Variants in SGMS1 observed in about 807,000 individuals in gnomAD.
SGMS1 encodes the protein phosphatidylcholine:ceramide cholinephosphotransferase 1.
SGMS1 carries 13 observed loss-of-function variants against 46.2 expected under a neutral mutation model. That is an observed-to-expected ratio of 0.28 (90% CI 0.18 to 0.45). The LOEUF (loss-of-function observed/expected upper bound fraction) is 0.45. Ranked by LOEUF, SGMS1 falls within the 20% of genes least tolerant of loss-of-function variation. The pLI, the probability that SGMS1 is intolerant of heterozygous loss-of-function variation, is 1.00. For missense variants in SGMS1, 324 were observed against 519.9 expected (o/e 0.62, Z 3.66); for synonymous variants, 203 against 187.8 (o/e 1.08, Z -0.66).
At chr10:50,348,158 A>G (rs1454436748) in intron 6 of SGMS1, among the ~76,000 whole-genome samples, 1 of 152,148 alleles carries the variant, frequency 6.6e-6, no homozygotes, top group Admixed American at 6.6e-5. Flanking sequence ...GATGGGTTCC[A>G]GCTTCACCCA....
At position 50,494,413 on chromosome 10, in the gene SGMS1, C is replaced by T. The variant is rs138524795; in HGVS notation, c.-498+25418G>A. ...TCAGTGGTAGACTGGATAAAGGAAA[C>T]GTGATACATACAACGTTGTATACTA... is the stretch of plus-strand genomic sequence containing the variant. On this transcript the variant is annotated intron_variant, in intron 3 of 10. Transcript: ENST00000361781. 3.0e-3 allele frequency among the ~76,000 whole-genome samples: 463 copies of T among 152,224 alleles called. 2 individuals are homozygous for T. Among genetic ancestry groups the T allele is most frequent in the African/African-American group, 0.011 (442 of 41,546 alleles).
At chr10:50,345,505 A>AT (rs1847900991) in intron 6 of SGMS1, among the ~76,000 whole-genome samples, 2 of 152,300 alleles carry the variant, frequency 1.3e-5, no homozygotes, top group Non-Finnish European at 1.5e-5. Flanking sequence ...TGTAGGGAAG[A>AT]TTTTAAAGTA....
intron 5 of SGMS1, among the ~76,000 whole-genome samples, chr10:50,455,429 C>T (rs1169916690): frequency 6.6e-6 from 1 of 152,204 alleles, no homozygotes; most frequent in African/African-American, 2.4e-5. Flanking sequence ...GGTCTTCATA[C>T]ATTGATACCC....
intron 3 of SGMS1, among the ~76,000 whole-genome samples, chr10:50,493,803 A>G (rs1837587082): frequency 6.6e-6 from 1 of 151,976 alleles, no homozygotes; most frequent in East Asian, 1.9e-4. Context: ...ATTATTTTCC[A>G]TTTTGTTTTT....
chr10:50,602,350 G>C (rs746671213), intron 1 of SGMS1, among the ~76,000 whole-genome samples: 2 of 152,228 alleles, frequency 1.3e-5, no homozygotes, highest in African/African-American at 2.4e-5. Flanking sequence ...GAATTCACCT[G>C]TCCTACCTTA....
chr10:50,400,118 A>G (rs919725702), intron 6 of SGMS1, among the ~76,000 whole-genome samples: 1 of 151,714 alleles, frequency 6.6e-6, no homozygotes, highest in African/African-American at 2.4e-5. Context: ...TGGGTTTTAC[A>G]TGGTTGTTCA....
intron 2 of SGMS1, among the ~76,000 whole-genome samples, chr10:50,579,498 AAAGT>A (rs1215889481): frequency 6.6e-6 from 1 of 152,168 alleles, no homozygotes; most frequent in Non-Finnish European, 1.5e-5. Flanking sequence ...CCGAGAGAAA[AAAGT>A]AAGAAAAATG....
intron 2 of SGMS1, among the ~76,000 whole-genome samples, chr10:50,520,562 A>G (rs530149861): frequency 5.3e-5 from 8 of 152,200 alleles, no homozygotes; most frequent in Non-Finnish European, 1.0e-4. Flanking sequence ...CTTTCCCCCA[A>G]TCACTCAGCC....
chr10:50,454,521 A>G (rs1313898829), intron 5 of SGMS1, among the ~76,000 whole-genome samples: 1 of 152,182 alleles, frequency 6.6e-6, no homozygotes, highest in African/African-American at 2.4e-5. Context: ...AGGCTTAGTG[A>G]TCCATTCAAC....
At chr10:50,454,912 AAT>A (rs1220173898) in intron 5 of SGMS1, among the ~76,000 whole-genome samples, 1 of 152,206 alleles carries the variant, frequency 6.6e-6, no homozygotes, top group Non-Finnish European at 1.5e-5. Context: ...CTTGATCTAA[AAT>A]AGTCTTTCCT....
At chr10:50,439,076 G>C (rs1033920622) in intron 5 of SGMS1, among the ~76,000 whole-genome samples, 1 of 152,152 alleles carries the variant, frequency 6.6e-6, no homozygotes, top group African/African-American at 2.4e-5. Flanking sequence ...CTTAAACACT[G>C]AATAAAACAT....
intron 7 of SGMS1, among the ~76,000 whole-genome samples, chr10:50,339,730 T>C (rs879905206): frequency 1.3e-5 from 2 of 152,158 alleles, no homozygotes; most frequent in Non-Finnish European, 2.9e-5. Flanking sequence ...GATAGAAAGG[T>C]GAATGATGAA....
chr10:50,607,499 C>T (rs1268759146), intron 1 of SGMS1, among the ~76,000 whole-genome samples: 3 of 152,124 alleles, frequency 2.0e-5, no homozygotes, highest in Admixed American at 2.0e-4. Context: ...AGTGTGCAGG[C>T]AGTGAAAGCT....
At chr10:50,454,929 A>C (rs933806911) in intron 5 of SGMS1, among the ~76,000 whole-genome samples, 2 of 152,176 alleles carry the variant, frequency 1.3e-5, no homozygotes, top group Admixed American at 6.5e-5. Flanking sequence ...TTTCCTACCC[A>C]AAAACACTCA....
At chr10:50,531,908 C>T (rs1837956727) in intron 2 of SGMS1, among the ~76,000 whole-genome samples, 2 of 152,212 alleles carry the variant, frequency 1.3e-5, no homozygotes, top group Admixed American at 6.5e-5. Flanking sequence ...AGAGAATGGT[C>T]AGTAACCAGC....
At chr10:50,585,416 C>T (rs973749858) in intron 2 of SGMS1, among the ~76,000 whole-genome samples, 2 of 152,150 alleles carry the variant, frequency 1.3e-5, no homozygotes, top group East Asian at 1.9e-4. Flanking sequence ...CTCCTCATTA[C>T]GGAAGCAAAA....
chr10:50,510,222 T>C (rs1564420905), intron 3 of SGMS1, among the ~76,000 whole-genome samples: 1 of 152,230 alleles, frequency 6.6e-6, no homozygotes, highest in African/African-American at 2.4e-5. Flanking sequence ...ATAGTTGTGT[T>C]GTTCTTTCTT....
chr10:50,554,666 A>G (rs1184546195), intron 2 of SGMS1, among the ~76,000 whole-genome samples: 3 of 152,162 alleles, frequency 2.0e-5, no homozygotes, highest in Non-Finnish European at 2.9e-5. Flanking sequence ...ATCTAAAATG[A>G]TTGGCTTTCT....
intron 2 of SGMS1, among the ~76,000 whole-genome samples, chr10:50,562,390 G>A (rs549949172): frequency 4.0e-5 from 6 of 150,584 alleles, no homozygotes; most frequent in Non-Finnish European, 7.4e-5. Flanking sequence ...ACACACGGGC[G>A]CGCATGCGCA....
Sources: gnomAD v4.1 joint callset for allele counts (sites outside exome capture counted in the v4.1 genomes callset) on GRCh38, gnomAD v4.1.1 for gene constraint, MANE v1.5 for transcripts, NCBI Gene and HGNC (gene_info 2026-07-23, HGNC 2026-07-21) for gene names.